Variants in ESRRG observed in about 807,000 individuals in gnomAD.
The protein encoded by ESRRG is estrogen-related receptor gamma.
A neutral mutation model predicts 44.0 loss-of-function variants in ESRRG; 13 were observed. The ratio of observed to expected loss-of-function variants is 0.30; its 90% CI spans 0.19 to 0.47. The LOEUF is 0.47. Among genes scored for constraint, ESRRG ranks in the 20% least tolerant of loss-of-function variants. The pLI, the probability that ESRRG is intolerant of heterozygous loss-of-function variation, is 1.00. For missense variants in ESRRG, 395 were observed against 580.6 expected (o/e 0.68, Z 3.29); for synonymous variants, 215 against 214.6 (o/e 1.00, Z -0.02).
intron 2 of ESRRG, among the ~76,000 whole-genome samples, chr1:216,867,614 A>C (rs1308245155): frequency 6.6e-6 from 1 of 152,184 alleles, no homozygotes; most frequent in African/African-American, 2.4e-5. Context: ...AAACATCTTT[A>C]TTAGCATGCT....
intron 2 of ESRRG, among the ~76,000 whole-genome samples, chr1:216,751,692 G>T (rs922943421): frequency 6.6e-6 from 1 of 152,034 alleles, no homozygotes; most frequent in East Asian, 1.9e-4. Flanking sequence ...ATAAAGTCAA[G>T]GGAAAAGGCC....
chr1:216,575,040 G>A (rs916810348), intron 3 of ESRRG, among the ~76,000 whole-genome samples: 8 of 152,096 alleles, frequency 5.3e-5, no homozygotes, highest in Non-Finnish European at 1.5e-5. Context: ...AAGAAGCAAA[G>A]GCAGATTAGC....
At chr1:216,983,511 C>T (rs1269469112) in intron 1 of ESRRG, among the ~76,000 whole-genome samples, 2 of 152,066 alleles carry the variant, frequency 1.3e-5, no homozygotes, top group African/African-American at 2.4e-5. Flanking sequence ...GGATTACAAA[C>T]GTGATGTACT....
rs976996385 is a variant in ESRRG, at chr1:216,633,830, A to T, written c.589+17143T>A. On this transcript the variant is annotated intron_variant, in intron 3 of 6. Coordinates refer to ENST00000408911, the MANE Select transcript of ESRRG (RefSeq NM_001438.4). ...AAGCATTTGAATATTTCAGAAGAAA[A>T]TTATTAAGAGATGGATAAAAGGAAG... Among the ~76,000 whole-genome samples the T allele has an allele frequency of 3.3e-5, 5 of 152,352 alleles. No individual in the cohort carries two copies. The East Asian group carries it at 9.6e-4, about 29-fold the overall frequency.
intron 5 of ESRRG, among the ~76,000 whole-genome samples, chr1:216,541,119 G>C (rs7542009): frequency 0.8 from 121,672 of 151,860 alleles, 48,944 homozygotes; most frequent in East Asian, 0.86. Flanking sequence ...TTTATTAACA[G>C]TTCAACCCAC....
intron 1 of ESRRG, among the ~76,000 whole-genome samples, chr1:217,110,389 C>T (rs1306930557): frequency 1.3e-5 from 2 of 152,168 alleles, no homozygotes; most frequent in Admixed American, 6.6e-5. Flanking sequence ...TGCTCACAAC[C>T]ATAGCAAACC....
At chr1:216,577,781 A>ATTTT in intron 3 of ESRRG, among the ~76,000 whole-genome samples, 1 of 151,810 alleles carries the variant, frequency 6.6e-6, no homozygotes, top group African/African-American at 2.4e-5. Flanking sequence ...TTTTTTTAAA[A>ATTTT]AAAAAGGAAA....
At chr1:217,007,623 C>T (rs2077937942) in intron 1 of ESRRG, among the ~76,000 whole-genome samples, 1 of 152,170 alleles carries the variant, frequency 6.6e-6, no homozygotes. Context: ...TAAAATTCTT[C>T]TCCTTCCTTT....
chr1:216,577,359 A>C (rs1642877723), intron 3 of ESRRG, among the ~76,000 whole-genome samples: 1 of 152,054 alleles, frequency 6.6e-6, no homozygotes, highest in Non-Finnish European at 1.5e-5. Context: ...TCTTGTTACT[A>C]TTTAAGATGG....
At chr1:216,567,866 G>C in intron 4 of ESRRG, 122 bp downstream of exon 4, 1 of 642,332 alleles carries the variant, frequency 1.6e-6, no homozygotes, top group South Asian at 1.8e-5. Context: ...TAGAGCCACT[G>C]TTCTCCAACA....
chr1:216,829,154 G>A (rs191814313), intron 2 of ESRRG, among the ~76,000 whole-genome samples: 44 of 152,228 alleles, frequency 2.9e-4, no homozygotes, highest in African/African-American at 1.1e-3. Flanking sequence ...CAGCCCCTTT[G>A]TTTTGCTAAC....
chr1:216,808,097 T>C (rs1195478792), intron 2 of ESRRG, among the ~76,000 whole-genome samples: 1 of 152,194 alleles, frequency 6.6e-6, no homozygotes, highest in East Asian at 1.9e-4. Context: ...ATTCTTTCTA[T>C]ACTGGCCCTG....
chr1:216,613,878 A>T (rs1481918949), intron 3 of ESRRG, among the ~76,000 whole-genome samples: 1 of 152,224 alleles, frequency 6.6e-6, no homozygotes, highest in African/African-American at 2.4e-5. Context: ...CAAAGCTTTT[A>T]TCTTATTGTT....
At chr1:216,928,009 A>G (rs1272860835) in intron 2 of ESRRG, among the ~76,000 whole-genome samples, 3 of 152,210 alleles carry the variant, frequency 2.0e-5, no homozygotes, top group Non-Finnish European at 2.9e-5. Flanking sequence ...ATTCTTTTCC[A>G]GTTACTGAAA....
chr1:216,715,318 A>G, intron 1 of ESRRG: 2 of 836,834 alleles, frequency 2.4e-6, no homozygotes, highest in South Asian at 5.5e-5. Flanking sequence ...TCACTTTCTC[A>G]TAGGAAAAAG....
At chr1:217,134,670 T>A (rs568735507) in intron 1 of ESRRG, among the ~76,000 whole-genome samples, 2 of 152,360 alleles carry the variant, frequency 1.3e-5, no homozygotes, top group South Asian at 4.1e-4. Context: ...AAAGAGCGCC[T>A]GGCTGCGGCT....
chr1:216,709,169 C>G (rs1447349270), intron 1 of ESRRG, among the ~76,000 whole-genome samples: 1 of 151,736 alleles, frequency 6.6e-6, no homozygotes, highest in East Asian at 1.9e-4. Flanking sequence ...ACCTATGTAA[C>G]AAAACTGCAA....
chr1:216,542,452 T>C (rs950342948), intron 5 of ESRRG, among the ~76,000 whole-genome samples: 3 of 152,004 alleles, frequency 2.0e-5, no homozygotes, highest in Non-Finnish European at 2.9e-5. Flanking sequence ...TCAGCAGCAG[T>C]GGATGATGCA....
At chr1:216,517,986 T>C (rs757895539) in intron 6 of ESRRG, among the ~76,000 whole-genome samples, 2 of 152,130 alleles carry the variant, frequency 1.3e-5, no homozygotes, top group Non-Finnish European at 2.9e-5. Flanking sequence ...ATCAATATTG[T>C]AGATGAACTG....
Sources: allele counts gnomAD v4.1 joint callset (sites outside exome capture counted in the v4.1 genomes callset), GRCh38; gene constraint gnomAD v4.1.1; transcripts MANE v1.5; gene names NCBI Gene and HGNC (gene_info 2026-07-23, HGNC 2026-07-21).